The following CD200 variants were observed in gnomAD, a reference collection of about 807,000 sequenced individuals.
CD200 encodes the protein OX-2 membrane glycoprotein.
CD200 carries 15 observed loss-of-function variants against 30.9 expected under a neutral mutation model. The ratio of observed to expected loss-of-function variants is 0.49; its 90% CI spans 0.32 to 0.75. CD200 has a LOEUF of 0.75. Ranked by LOEUF, CD200 falls within the 30% of genes least tolerant of loss-of-function variation. CD200 has a pLI of 0.03. For missense variants in CD200, 262 were observed against 324.2 expected, an observed-to-expected ratio of 0.81 and a Z score of 1.47; for synonymous variants, 134 against 126.2, an observed-to-expected ratio of 1.06 and a Z score of -0.41.
In CD200 at chr3:112,333,236, C is replaced by A; in HGVS notation, c.12+12C>A. On this transcript the variant is annotated intron_variant, in intron 1 of 5. Transcript: ENST00000315711. Reference sequence around the variant, plus strand: ...GGATGGAGAGGCTGGTGAGCGGGGCCGGGGCTTGGGAAGGAGGGCGCAGGG... The same window carrying A: ...GGATGGAGAGGCTGGTGAGCGGGGCAGGGGCTTGGGAAGGAGGGCGCAGGG... The A allele has an allele frequency of 6.5e-7, 1 of 1,549,474 alleles. No individual in the cohort carries two copies. The highest frequency in any genetic ancestry group is 1.2e-5 in the South Asian group (1 of 83,948).
At position 112,361,642 on chromosome 3, in the gene CD200, G is replaced by T; in HGVS notation, c.*92G>T. On this transcript the variant is annotated 3_prime_UTR_variant, in exon 6 of 6. Transcript: ENST00000315711. ...GAGGAAAAGGGGCCATTCTCCAAAG[G>T]ACCTGAAAGAGCAAAAGAGGTGGGA... 2.6e-6 allele frequency: 3 copies of T among 1,176,226 alleles called. No homozygotes were observed. The highest frequency in any genetic ancestry group is 3.8e-6 in the Non-Finnish European group (3 of 782,034). The allele number at this position is 1,176,226 out of a possible 1,614,324, so 72.9% of individuals were successfully genotyped here.
In CD200 at chr3:112,354,717, T is replaced by C. The variant is rs545245900; in HGVS notation, c.802+4898T>C. 3.3e-5 allele frequency among the ~76,000 whole-genome samples: 5 copies of C among 152,372 alleles called. No individual in the cohort carries two copies. The East Asian group carries it at 9.6e-4, about 29-fold the overall frequency. ...GGCTTAAAACAACACACATGTATTA[T>C]ACTACAGTTCTAGAGATCAGAAGTC... On this transcript the variant is annotated intron_variant, in intron 5 of 5. Coordinates refer to ENST00000315711, the MANE Select transcript of CD200 (RefSeq NM_005944.7).
intron 2 of CD200, among the ~76,000 whole-genome samples, chr3:112,342,942 T>A (rs1362894223): frequency 2.0e-5 from 3 of 152,166 alleles, no homozygotes; most frequent in Non-Finnish European, 4.4e-5. Context: ...AGGTTTTATG[T>A]GTGTTTTGAA....
intron 1 of CD200, among the ~76,000 whole-genome samples, chr3:112,337,437 G>A (rs938536336): frequency 1.4e-4 from 21 of 152,114 alleles, no homozygotes; most frequent in African/African-American, 3.9e-4. Flanking sequence ...TGCGTGGTGC[G>A]TTTAGAAGTA....
intron 1 of CD200, among the ~76,000 whole-genome samples, chr3:112,338,985 G>C (rs1183990835): frequency 6.6e-6 from 1 of 152,100 alleles, no homozygotes; most frequent in East Asian, 1.9e-4. Context: ...TCTTTATTTT[G>C]AAAATGATGA....
intron 5 of CD200, among the ~76,000 whole-genome samples, chr3:112,359,582 T>C (rs1281945088): frequency 1.3e-5 from 2 of 152,220 alleles, no homozygotes; most frequent in Non-Finnish European, 2.9e-5. Context: ...AGGAAAGTAT[T>C]TCCATCTGAT....
chr3:112,348,467 T>C (rs2081454615), intron 4 of CD200, among the ~76,000 whole-genome samples: 1 of 152,244 alleles, frequency 6.6e-6, no homozygotes, highest in Non-Finnish European at 1.5e-5. Flanking sequence ...TCTAAACTAC[T>C]GTCTCTGGGC....
chr3:112,344,084 A>C (rs934601999), intron 2 of CD200, among the ~76,000 whole-genome samples: 1 of 152,032 alleles, frequency 6.6e-6, no homozygotes, highest in Non-Finnish European at 1.5e-5. Flanking sequence ...TATATCTCTA[A>C]TTTCTACTAT....
chr3:112,335,965 G>A (rs1481590156), intron 1 of CD200: 1 of 1,612,046 alleles, frequency 6.2e-7, no homozygotes, highest in African/African-American at 1.3e-5. Context: ...ACAATTGGGG[G>A]CCCTCTCCTT....
At chr3:112,359,747 G>A (rs781253226) in intron 5 of CD200, among the ~76,000 whole-genome samples, 1 of 152,128 alleles carries the variant, frequency 6.6e-6, no homozygotes, top group Non-Finnish European at 1.5e-5. Context: ...GACAGGTTAG[G>A]GGGACAGCAG....
chr3:112,350,344 C>G (rs2081506583), intron 5 of CD200, among the ~76,000 whole-genome samples: 1 of 152,152 alleles, frequency 6.6e-6, no homozygotes, highest in South Asian at 2.1e-4. Flanking sequence ...CTTTATCTTT[C>G]ACAACTATCA....
intron 5 of CD200, among the ~76,000 whole-genome samples, chr3:112,350,984 GAGA>G (rs2081520290): frequency 6.6e-6 from 1 of 152,162 alleles, no homozygotes; most frequent in Non-Finnish European, 1.5e-5. Flanking sequence ...CTGTCCAGGA[GAGA>G]AGATTACAAA....
intron 2 of CD200, among the ~76,000 whole-genome samples, chr3:112,342,702 C>T (rs554968551): frequency 2.6e-5 from 4 of 152,144 alleles, no homozygotes; most frequent in East Asian, 1.9e-4. Context: ...GGATTACAGG[C>T]GTGAGCCACT....
At chr3:112,345,572 T>C (rs2081367077) in intron 3 of CD200, among the ~76,000 whole-genome samples, 1 of 152,212 alleles carries the variant, frequency 6.6e-6, no homozygotes, top group Admixed American at 6.5e-5. Context: ...AGCAGTGATA[T>C]GATTCAGACC....
intron 5 of CD200, 109 bp from the exon 6 acceptor site, chr3:112,361,434 C>A: frequency 1.1e-6 from 1 of 909,242 alleles, no homozygotes; most frequent in Non-Finnish European, 1.8e-6. Flanking sequence ...TGAATATACA[C>A]TAGAATAACT....
At chr3:112,358,918 GGAAA>G (rs2081681442) in intron 5 of CD200, among the ~76,000 whole-genome samples, 1 of 146,552 alleles carries the variant, frequency 6.8e-6, no homozygotes, top group Non-Finnish European at 1.5e-5. Flanking sequence ...AAAAGTGAGA[GGAAA>G]GAAAGAGAGA....
intron 1 of CD200, chr3:112,333,494 C>A (rs921594348): frequency 5.1e-6 from 5 of 985,406 alleles, no homozygotes; most frequent in Non-Finnish European, 6.0e-6. Context: ...TGCACCAGGC[C>A]GGGGCTCCGG....
chr3:112,350,207 C>T (rs2081504305), intron 5 of CD200, among the ~76,000 whole-genome samples: 1 of 152,156 alleles, frequency 6.6e-6, no homozygotes, highest in Non-Finnish European at 1.5e-5. Context: ...CAATTATGAT[C>T]ACTCATTAAG....
chr3:112,357,951 G>A (rs188111295), intron 5 of CD200, among the ~76,000 whole-genome samples: 97 of 152,252 alleles, frequency 6.4e-4, no homozygotes, highest in African/African-American at 2.2e-3. Flanking sequence ...ACAAAAACAA[G>A]TGAGATAATT....
Sources: allele counts gnomAD v4.1 joint callset (sites outside exome capture counted in the v4.1 genomes callset), GRCh38; gene constraint gnomAD v4.1.1; transcripts MANE v1.5; gene names NCBI Gene and HGNC (gene_info 2026-07-23, HGNC 2026-07-21).